AGMO: variants seen among roughly 807,000 people sequenced by gnomAD.
AGMO encodes glyceryl-ether monooxygenase.
In AGMO, 75 loss-of-function variants were observed where a neutral mutation model predicts 60.2. The ratio of observed to expected loss-of-function variants is 1.25; its 90% confidence interval spans 1.03 to 1.51. AGMO has a LOEUF of 1.51. Ranked by LOEUF, AGMO falls within the 40% of genes most tolerant of loss-of-function variation. The pLI is 0.00. For missense variants in AGMO, 763 were observed against 525.5 expected, an observed-to-expected ratio of 1.45 and a Z score of -4.42; for synonymous variants, 261 against 177.1, an observed-to-expected ratio of 1.47 and a Z score of -3.76.
the AGMO span, among the ~76,000 whole-genome samples, chr7:15,135,875 T>G: frequency 1.4e-4 from 21 of 151,870 alleles, no homozygotes; most frequent in Non-Finnish European, 2.8e-4. Context: ...TTCAAATACT[T>G]GCTACTTATT....
At chr7:15,250,842 G>C (rs1166964207) in intron 12 of AGMO, among the ~76,000 whole-genome samples, 1 of 152,048 alleles carries the variant, frequency 6.6e-6, no homozygotes, top group East Asian at 2.0e-4. Flanking sequence ...CTACTCGGGA[G>C]GCTGAGGCAG....
chr7:15,400,337 A>G (rs1475788537), intron 5 of AGMO, among the ~76,000 whole-genome samples: 1 of 152,204 alleles, frequency 6.6e-6, no homozygotes, highest in Non-Finnish European at 1.5e-5. Flanking sequence ...GAAAAGTGCT[A>G]CTGGCATCTA....
chr7:15,287,628 T>C (rs1215046777), intron 12 of AGMO, among the ~76,000 whole-genome samples: 1 of 152,212 alleles, frequency 6.6e-6, no homozygotes, highest in Non-Finnish European at 1.5e-5. Flanking sequence ...GTGAGTTGTA[T>C]CAATTTAATC....
chr7:15,455,803 T>C (rs551877543), intron 3 of AGMO, among the ~76,000 whole-genome samples: 51 of 152,244 alleles, frequency 3.3e-4, no homozygotes, highest in African/African-American at 1.2e-3. Flanking sequence ...ACAGTTGACC[T>C]GATTTTGTTC....
At chr7:15,530,791 T>C (rs1486606041) in intron 3 of AGMO, among the ~76,000 whole-genome samples, 9 of 116,930 alleles carry the variant, frequency 7.7e-5, no homozygotes, top group African/African-American at 3.5e-4. Context: ...ATTCTATATA[T>C]ACATTTCTCT....
chr7:15,411,551 A>G (rs62439273), intron 5 of AGMO, among the ~76,000 whole-genome samples: 28,276 of 151,952 alleles, frequency 0.19, 2,915 homozygotes, highest in African/African-American at 0.25. Flanking sequence ...CTAATTGTGT[A>G]TTTACAATAT....
At chr7:15,434,680 C>T (rs1781349522) in intron 3 of AGMO, among the ~76,000 whole-genome samples, 1 of 152,030 alleles carries the variant, frequency 6.6e-6, no homozygotes, top group South Asian at 2.1e-4. Flanking sequence ...CTGCAGTTTG[C>T]AAAGAGCTGA....
intron 3 of AGMO, among the ~76,000 whole-genome samples, chr7:15,517,950 T>G (rs1289942514): frequency 6.6e-6 from 1 of 152,094 alleles, no homozygotes; most frequent in Non-Finnish European, 1.5e-5. Context: ...AGCACAGTAG[T>G]CTGAAGTTGA....
chr7:15,325,008 T>A (rs976409139), intron 12 of AGMO, among the ~76,000 whole-genome samples: 10 of 152,206 alleles, frequency 6.6e-5, no homozygotes, highest in East Asian at 1.9e-4. Context: ...TAAAAAAAAA[T>A]TTTTGAGTTT....
intron 12 of AGMO, among the ~76,000 whole-genome samples, chr7:15,348,792 T>G (rs571735742): frequency 1.3e-5 from 2 of 152,188 alleles, no homozygotes; most frequent in African/African-American, 4.8e-5. Context: ...TTGGTTGGTT[T>G]AACAGTAAAT....
chr7:15,297,330 T>C (rs1211764201), intron 12 of AGMO, among the ~76,000 whole-genome samples: 3 of 152,116 alleles, frequency 2.0e-5, no homozygotes, highest in Non-Finnish European at 1.5e-5. Context: ...AGTACATAAA[T>C]CCTAGGTGGT....
intron 10 of AGMO, among the ~76,000 whole-genome samples, chr7:15,374,279 T>C (rs1000111904): frequency 6.6e-6 from 1 of 152,088 alleles, no homozygotes; most frequent in African/African-American, 2.4e-5. Context: ...CACTAAAGCA[T>C]ACTAAGAGGA....
chr7:15,386,812 C>A (rs1000267449), intron 9 of AGMO, among the ~76,000 whole-genome samples: 1 of 152,056 alleles, frequency 6.6e-6, no homozygotes, highest in African/African-American at 2.4e-5. Context: ...TCTTTCTTCC[C>A]CAGAAGAGTA....
chr7:15,334,906 C>A (rs1009333181), intron 12 of AGMO, among the ~76,000 whole-genome samples: 2 of 152,032 alleles, frequency 1.3e-5, no homozygotes, highest in Non-Finnish European at 2.9e-5. Flanking sequence ...AACTCATGAA[C>A]AATAAGAGCT....
chr7:15,248,178 C>CTATATATA, intron 12 of AGMO, among the ~76,000 whole-genome samples: 1 of 23,248 alleles, frequency 4.3e-5, no homozygotes, highest in East Asian at 2.0e-3. Flanking sequence ...TGATCCAGCA[C>CTATATATA]CATATATATA....
chr7:15,339,098 T>A (rs1021029999), intron 12 of AGMO, among the ~76,000 whole-genome samples: 4 of 152,192 alleles, frequency 2.6e-5, no homozygotes, highest in African/African-American at 9.6e-5. Flanking sequence ...ACTGCTCTTC[T>A]ATAGCTCTTT....
intron 12 of AGMO, among the ~76,000 whole-genome samples, chr7:15,342,890 G>C (rs529916790): frequency 1.3e-5 from 2 of 149,452 alleles, no homozygotes; most frequent in Admixed American, 1.3e-4. Context: ...ATCCTCATTT[G>C]AGAAGTGTGG....
chr7:15,125,475 A>G, the AGMO span, among the ~76,000 whole-genome samples: 7 of 152,120 alleles, frequency 4.6e-5, no homozygotes, highest in Non-Finnish European at 8.8e-5. Flanking sequence ...AACTTTTTAA[A>G]TAACTTCCAA....
rs151095869 is a variant in AGMO, at chr7:15,436,852, A to G, written c.410-5744T>C. 1.4e-3 allele frequency among the ~76,000 whole-genome samples: 206 copies of G among 152,280 alleles called. 1 individual carries two copies. Among genetic ancestry groups the G allele is most frequent in the African/African-American group, 4.8e-3 (198 of 41,546 alleles). On this transcript the variant is annotated intron_variant, in intron 3 of 12. Transcript: ENST00000342526. ...GTAACTTCCATATGTAAAAGGGATT[A>G]AAGAGCTCAACACATGCTATTAAAT...
Sources: gnomAD v4.1 joint callset for allele counts (sites outside exome capture counted in the v4.1 genomes callset) on GRCh38, gnomAD v4.1.1 for gene constraint, MANE v1.5 for transcripts, NCBI Gene and HGNC (gene_info 2026-07-23, HGNC 2026-07-21) for gene names.